The following ADGRB3 variants were observed in gnomAD, a reference collection of about 807,000 sequenced individuals.
ADGRB3 encodes the protein brain-specific angiogenesis inhibitor 3.
ADGRB3 carries 37 observed loss-of-function variants against 193.4 expected under a neutral mutation model. The observed-to-expected ratio is 0.19, with a 90% CI of 0.15 to 0.25. The LOEUF is 0.25. ADGRB3 is among the 10% of genes least tolerant of loss of function. The probability of loss-of-function intolerance (pLI) is 1.00; values close to 1 mark genes in which losing one functional copy is unlikely to be tolerated. For missense variants in ADGRB3, 1,637 were observed against 1,852.9 expected, an observed-to-expected ratio of 0.88 and a Z score of 2.14; for synonymous variants, 690 against 644.2, an observed-to-expected ratio of 1.07 and a Z score of -1.08.
chr6:69,183,315 C>T (rs1298609614), intron 17 of ADGRB3, among the ~76,000 whole-genome samples: 1 of 152,062 alleles, frequency 6.6e-6, no homozygotes, highest in African/African-American at 2.4e-5. Context: ...AATTGCCCTG[C>T]ACTATACAAA....
chr6:68,707,110 C>CA (rs11349240), intron 3 of ADGRB3, among the ~76,000 whole-genome samples: 1,682 of 90,408 alleles, frequency 0.019, 43 homozygotes, highest in African/African-American at 0.062. Context: ...GACTCCATCT[C>CA]AAAAAAAAAA....
At position 69,153,220 on chromosome 6, in the gene ADGRB3, A is replaced by G. The variant is rs563503459; in HGVS notation, c.2480+77182A>G. Among the ~76,000 whole-genome samples, 11 of 152,326 alleles carry G rather than the reference A, an allele frequency of 7.2e-5. No homozygotes were observed. The South Asian group carries it at 2.3e-3, about 32-fold the overall frequency. The stretch of plus-strand genomic sequence containing the variant: ...ATAGTATTAGGGCAGAGATTAACCC[A>G]TGGCAGAAAAAAAGAGAACTATAAA... On this transcript the variant is annotated intron_variant, in intron 17 of 31. Transcript: ENST00000370598.
intron 17 of ADGRB3, among the ~76,000 whole-genome samples, chr6:69,124,749 A>G (rs1322131917): frequency 1.3e-5 from 2 of 152,178 alleles, no homozygotes; most frequent in Admixed American, 6.5e-5. Context: ...TTTTCCATAT[A>G]TGCAATATGC....
At chr6:68,781,268 G>A (rs1766847310) in intron 3 of ADGRB3, among the ~76,000 whole-genome samples, 1 of 152,060 alleles carries the variant, frequency 6.6e-6, no homozygotes, top group Non-Finnish European at 1.5e-5. Context: ...TTTTCTCTTG[G>A]ACTTTGTGTT....
intron 3 of ADGRB3, among the ~76,000 whole-genome samples, chr6:68,817,046 G>T (rs1306396756): frequency 6.6e-6 from 1 of 151,568 alleles, no homozygotes; most frequent in Non-Finnish European, 1.5e-5. Flanking sequence ...TGTATTTCAT[G>T]CCCTTCTTCC....
At chr6:68,702,946 A>C (rs1223524412) in intron 3 of ADGRB3, among the ~76,000 whole-genome samples, 1 of 152,196 alleles carries the variant, frequency 6.6e-6, no homozygotes, top group Non-Finnish European at 1.5e-5. Flanking sequence ...CCATTATTGC[A>C]GGGTATTTAA....
At chr6:69,179,186 A>G (rs1373625815) in intron 17 of ADGRB3, among the ~76,000 whole-genome samples, 1 of 152,210 alleles carries the variant, frequency 6.6e-6, no homozygotes, top group Non-Finnish European at 1.5e-5. Context: ...TCATTTTTAA[A>G]AAAATTATTT....
intron 3 of ADGRB3, among the ~76,000 whole-genome samples, chr6:68,818,714 T>C (rs190880531): frequency 1.3e-5 from 2 of 152,210 alleles, no homozygotes; most frequent in African/African-American, 4.8e-5. Context: ...AAATGAACTA[T>C]CCAAGCTTCT....
intron 20 of ADGRB3, among the ~76,000 whole-genome samples, chr6:69,244,801 A>G (rs1766458307): frequency 6.6e-6 from 1 of 152,090 alleles, no homozygotes; most frequent in African/African-American, 2.4e-5. Context: ...ATGAATTAGT[A>G]CGTATGGAGC....
At chr6:68,946,393 G>A (rs1767776826) in intron 6 of ADGRB3, among the ~76,000 whole-genome samples, 1 of 152,100 alleles carries the variant, frequency 6.6e-6, no homozygotes, top group Admixed American at 6.6e-5. Flanking sequence ...TATAGTCCCT[G>A]ATTTCAAAAG....
chr6:69,233,972 A>G (rs1029417650), intron 18 of ADGRB3, among the ~76,000 whole-genome samples: 1 of 152,212 alleles, frequency 6.6e-6, no homozygotes, highest in Non-Finnish European at 1.5e-5. Context: ...TTTTTCAAAA[A>G]TAGTTTCTGA....
At chr6:68,847,717 G>A (rs1289290152) in intron 3 of ADGRB3, among the ~76,000 whole-genome samples, 2 of 151,964 alleles carry the variant, frequency 1.3e-5, no homozygotes, top group South Asian at 2.1e-4. Flanking sequence ...CTTTATCAGC[G>A]GCATAAAAAC....
chr6:69,031,105 T>G lies in ADGRB3; in HGVS notation c.2107+12606T>G, dbSNP rs865851369. Among the ~76,000 whole-genome samples, 699 of 78,616 alleles carry G rather than the reference T, an allele frequency of 8.9e-3. 131 individuals carry two copies. The highest frequency in any genetic ancestry group is 0.011 in the Non-Finnish European group (363 of 34,276). 51.6% of individuals were successfully genotyped at this position (78,616 alleles called of 152,430 possible). ...TCTTCTCTTCTCTTCTCTTCTCTTC[T>G]CTTCTCTTCTCTCTCTTCTCTCTGT... On this transcript the variant is annotated intron_variant, in intron 13 of 31. Transcript: ENST00000370598.
rs117913648 is a variant in ADGRB3, at chr6:69,250,720, C to T, written c.2814+11494C>T. Among the ~76,000 whole-genome samples the T allele has an allele frequency of 5.5e-3, 837 of 152,314 alleles. 4 individuals carry two copies. The highest frequency in any genetic ancestry group is 9.1e-3 in the Non-Finnish European group (622 of 68,022). ...AGGTGTAATGGAAGCTTCACTTATT[C>T]TAACTGAAGTACTTTAAGCTCAACC... On this transcript the variant is annotated intron_variant, in intron 20 of 31. Transcript: ENST00000370598.
rs189764581 is a variant in ADGRB3 at position 69,330,447 on chromosome 6, G to A, written c.3036-59G>A. On this transcript the variant is annotated intron_variant, in intron 22 of 31. Coordinates refer to ENST00000370598, the MANE Select transcript of ADGRB3 (RefSeq NM_001704.3). ...ATAATCTAAGTTGTTTGTATCACAC[G>A]TTAGTGGTCTAATACTTGTCACTAA... is the stretch of plus-strand genomic sequence containing the variant. 5.1e-4 allele frequency: 684 copies of A among 1,329,664 alleles called. 2 individuals are homozygous for A. The highest frequency in any genetic ancestry group is 3.3e-3 in the Middle Eastern group (18 of 5,402). The allele number at this position is 1,329,664 out of a possible 1,614,324, so 82.4% of individuals were successfully genotyped here. A position where few individuals can be genotyped will look rare whatever the true frequency, so the allele number is the denominator to read the frequency against.
At chr6:68,837,793 G>A (rs138036827) in intron 3 of ADGRB3, among the ~76,000 whole-genome samples, 1,605 of 152,226 alleles carry the variant, frequency 0.011, 27 homozygotes, top group African/African-American at 0.036. Context: ...TGGATTTATC[G>A]TTTGAGCCAC....
At chr6:69,355,269 A>G (rs1337028458) in intron 27 of ADGRB3, among the ~76,000 whole-genome samples, 3 of 152,192 alleles carry the variant, frequency 2.0e-5, no homozygotes, top group Admixed American at 6.5e-5. Flanking sequence ...TCTCGACCAG[A>G]TGAGTATGGT....
intron 3 of ADGRB3, among the ~76,000 whole-genome samples, chr6:68,807,519 C>T (rs930196948): frequency 6.6e-6 from 1 of 151,936 alleles, no homozygotes. Context: ...AGATTACAGG[C>T]GTGAGCCACC....
chr6:69,257,311 C>T (rs1001713866), intron 20 of ADGRB3, among the ~76,000 whole-genome samples: 6 of 152,058 alleles, frequency 3.9e-5, no homozygotes, highest in Admixed American at 6.5e-5. Flanking sequence ...TGATAGAATT[C>T]GGCTGTGAAT....
Sources: allele counts gnomAD v4.1 joint callset (sites outside exome capture counted in the v4.1 genomes callset), GRCh38; gene constraint gnomAD v4.1.1; transcripts MANE v1.5; gene names NCBI Gene and HGNC (gene_info 2026-07-23, HGNC 2026-07-21).